L3MBTL4: variants seen among roughly 807,000 people sequenced by gnomAD.
L3MBTL4 encodes the protein lethal(3)malignant brain tumor-like protein 4.
L3MBTL4 carries 70 observed loss-of-function variants against 84.5 expected under a neutral mutation model. That is an observed-to-expected ratio of 0.83 (90% CI 0.68 to 1.01). The LOEUF is 1.01. Among genes scored for constraint, L3MBTL4 ranks in the 50% least tolerant of loss-of-function variants. The pLI is 0.00. For missense variants in L3MBTL4, 715 were observed against 754.8 expected, an observed-to-expected ratio of 0.95 and a Z score of 0.62; for synonymous variants, 274 against 259.8, an observed-to-expected ratio of 1.05 and a Z score of -0.52.
intron 16 of L3MBTL4, among the ~76,000 whole-genome samples, chr18:6,074,429 T>C (rs1598651705): frequency 6.6e-6 from 1 of 152,242 alleles, no homozygotes; most frequent in Non-Finnish European, 1.5e-5. Flanking sequence ...TTGGCTGTCA[T>C]GTTGTCCGTG....
chr18:6,123,575 C>T (rs2059594957), intron 14 of L3MBTL4, among the ~76,000 whole-genome samples: 1 of 152,168 alleles, frequency 6.6e-6, no homozygotes, highest in Admixed American at 6.5e-5. Flanking sequence ...TGAGGCCTCC[C>T]CAGCCATGTG....
Position 6,016,015 on chromosome 18 carries a change from C to T in L3MBTL4, c.1445-46453G>A, listed in dbSNP as rs1320938722. Among the ~76,000 whole-genome samples, 3 of 152,156 alleles carry T rather than the reference C, an allele frequency of 2.0e-5. No homozygotes were observed. The East Asian group carries it at 5.8e-4, about 29-fold the overall frequency. ...ACTCGGTGCAGTCTCTACTGAGTGT[C>T]CTGTGACCACTGCGGAAGATGAACG... On this transcript the variant is annotated intron_variant, in intron 16 of 18. Coordinates refer to ENST00000317931, the MANE Select transcript of L3MBTL4 (RefSeq NM_001330559.2).
chr18:6,156,018 C>T (rs151031064), intron 13 of L3MBTL4, among the ~76,000 whole-genome samples: 34 of 152,246 alleles, frequency 2.2e-4, no homozygotes, highest in African/African-American at 7.0e-4. Context: ...GATGCTAATA[C>T]CATTAAGCTT....
At chr18:6,402,228 A>G (rs1381549701) in intron 1 of L3MBTL4, among the ~76,000 whole-genome samples, 2 of 152,226 alleles carry the variant, frequency 1.3e-5, no homozygotes, top group African/African-American at 2.4e-5. Context: ...ATGTTTCACT[A>G]TTAAAAATAT....
chr18:6,247,807 G>C (rs80282217), intron 5 of L3MBTL4, among the ~76,000 whole-genome samples: 10,833 of 151,538 alleles, frequency 0.071, 1,284 homozygotes, highest in African/African-American at 0.25. Context: ...GAACATTCCT[G>C]GTTTTGGGTC....
intron 1 of L3MBTL4, among the ~76,000 whole-genome samples, chr18:6,318,185 C>G (rs927294215): frequency 6.6e-6 from 1 of 151,880 alleles, no homozygotes; most frequent in African/African-American, 2.4e-5. Context: ...GCCTATAAAA[C>G]AATAACACAA....
chr18:6,076,888 G>A (rs1266114450), intron 16 of L3MBTL4, among the ~76,000 whole-genome samples: 2 of 152,160 alleles, frequency 1.3e-5, no homozygotes, highest in African/African-American at 4.8e-5. Context: ...CTCACAGGTG[G>A]TGCAATGCAG....
chr18:6,407,001 C>T (rs2055764273), intron 1 of L3MBTL4, among the ~76,000 whole-genome samples: 2 of 152,210 alleles, frequency 1.3e-5, no homozygotes, highest in African/African-American at 4.8e-5. Context: ...TTGCGCATCA[C>T]GGTGATTAAT....
intron 4 of L3MBTL4, among the ~76,000 whole-genome samples, chr18:6,277,529 G>A (rs1216997170): frequency 1.3e-5 from 2 of 152,024 alleles, no homozygotes; most frequent in African/African-American, 4.8e-5. Flanking sequence ...GGGGATTTAG[G>A]CATAAAAATA....
chr18:6,321,090 C>G (rs887721899), intron 1 of L3MBTL4, among the ~76,000 whole-genome samples: 1 of 152,058 alleles, frequency 6.6e-6, no homozygotes, highest in East Asian at 1.9e-4. Context: ...TCAAGATAAT[C>G]AAAGATTTAA....
At chr18:6,225,996 G>C (rs2046767661) in intron 10 of L3MBTL4, among the ~76,000 whole-genome samples, 1 of 152,158 alleles carries the variant, frequency 6.6e-6, no homozygotes, top group African/African-American at 2.4e-5. Flanking sequence ...AAGTTCTTCA[G>C]AGAGAAGGAA....
intron 1 of L3MBTL4, among the ~76,000 whole-genome samples, chr18:6,329,142 TTTTC>T (rs796783947): frequency 9.5e-6 from 1 of 105,078 alleles, no homozygotes; most frequent in East Asian, 2.4e-4. Flanking sequence ...TTGTTTCTTT[TTTTC>T]TTTTCTTTTT....
intron 13 of L3MBTL4, among the ~76,000 whole-genome samples, chr18:6,170,485 A>G (rs750196192): frequency 5.3e-5 from 8 of 152,186 alleles, no homozygotes; most frequent in Non-Finnish European, 8.8e-5. Flanking sequence ...ATGGCAACTT[A>G]GGAAGCAAAC....
chr18:6,013,253 A>T (rs1276520309), intron 16 of L3MBTL4, among the ~76,000 whole-genome samples: 1 of 152,070 alleles, frequency 6.6e-6, no homozygotes, highest in Non-Finnish European at 1.5e-5. Flanking sequence ...CAGCTTTTTA[A>T]AGTTAGAACA....
chr18:6,009,448 G>A (rs1002697501), intron 16 of L3MBTL4, among the ~76,000 whole-genome samples: 4 of 152,148 alleles, frequency 2.6e-5, no homozygotes, highest in African/African-American at 9.7e-5. Context: ...ACATTACAAT[G>A]CTTATGCTTC....
At chr18:6,173,063 A>C (rs2044052688) in intron 12 of L3MBTL4, among the ~76,000 whole-genome samples, 1 of 152,230 alleles carries the variant, frequency 6.6e-6, no homozygotes, top group African/African-American at 2.4e-5. Flanking sequence ...ACTGAATCAG[A>C]AACTCTAAAG....
At chr18:6,078,164 C>A (rs1462160664) in intron 16 of L3MBTL4, among the ~76,000 whole-genome samples, 1 of 147,856 alleles carries the variant, frequency 6.8e-6, no homozygotes, top group African/African-American at 2.5e-5. Context: ...CAGTGGCTCA[C>A]ACCTGTAATC....
chr18:6,150,424 T>TACACAC (rs111558666), intron 13 of L3MBTL4, among the ~76,000 whole-genome samples: 8 of 149,316 alleles, frequency 5.4e-5, no homozygotes, highest in Middle Eastern at 3.2e-3. Context: ...TGTTTGAGAA[T>TACACAC]ACACACACAC....
At chr18:6,385,540 T>A (rs1406448009) in intron 1 of L3MBTL4, among the ~76,000 whole-genome samples, 1 of 152,232 alleles carries the variant, frequency 6.6e-6, no homozygotes, top group Admixed American at 6.5e-5. Flanking sequence ...AATGAGGTTC[T>A]AGAATTCATC....
Sources: allele counts gnomAD v4.1 joint callset (sites outside exome capture counted in the v4.1 genomes callset), GRCh38; gene constraint gnomAD v4.1.1; transcripts MANE v1.5; gene names NCBI Gene and HGNC (gene_info 2026-07-23, HGNC 2026-07-21).